Variants in CSMD1 observed in about 807,000 individuals in gnomAD.
CSMD1 encodes CUB and sushi domain-containing protein 1.
Under a neutral mutation model 417.5 loss-of-function variants are expected in CSMD1, and 213 were observed. The ratio of observed to expected loss-of-function variants is 0.51; its 90% CI spans 0.46 to 0.57. The LOEUF (loss-of-function observed/expected upper bound fraction) is 0.57. Ranked by LOEUF, CSMD1 falls within the 20% of genes least tolerant of loss-of-function variation. The pLI is 0.00. For missense variants in CSMD1, 6,923 were observed against 4,529.7 expected (o/e 1.53, Z -15.17); for synonymous variants, 2,862 against 1,736.8 (o/e 1.65, Z -16.11).
intron 5 of CSMD1, among the ~76,000 whole-genome samples, chr8:3,885,906 T>C (rs986145460): frequency 3.3e-5 from 5 of 152,172 alleles, no homozygotes; most frequent in African/African-American, 1.2e-4. Context: ...AAGTTTGTTG[T>C]TAATCTGTGA....
intron 5 of CSMD1, among the ~76,000 whole-genome samples, chr8:3,803,972 G>C (rs540591302): frequency 2.3e-3 from 344 of 152,192 alleles, no homozygotes; most frequent in African/African-American, 7.2e-3. Context: ...CTGTCGCCCA[G>C]GCTGGAGTGC....
chr8:3,451,958 T>C (rs1366189252), intron 12 of CSMD1, among the ~76,000 whole-genome samples: 3 of 151,744 alleles, frequency 2.0e-5, no homozygotes, highest in Non-Finnish European at 4.4e-5. Flanking sequence ...ACATGGAATG[T>C]TCTTCCATTT....
At chr8:3,576,354 C>G (rs13271170) in intron 9 of CSMD1, among the ~76,000 whole-genome samples, 63,110 of 151,456 alleles carry the variant, frequency 0.42, 13,596 homozygotes, top group Middle Eastern at 0.51. Flanking sequence ...TCTACTGTGA[C>G]TGTTCATCTG....
chr8:4,667,281 G>C (rs957129561), intron 1 of CSMD1, among the ~76,000 whole-genome samples: 3 of 152,076 alleles, frequency 2.0e-5, no homozygotes, highest in African/African-American at 4.8e-5. Context: ...TGAAATCAGA[G>C]TGTGTTAGTG....
At chr8:4,772,765 T>G (rs560678519) in intron 1 of CSMD1, among the ~76,000 whole-genome samples, 1 of 152,308 alleles carries the variant, frequency 6.6e-6, no homozygotes, top group East Asian at 1.9e-4. Flanking sequence ...ACCTCTTGGC[T>G]AACAGATCAG....
intron 41 of CSMD1, among the ~76,000 whole-genome samples, chr8:3,120,723 T>C (rs951416429): frequency 6.6e-6 from 1 of 151,776 alleles, no homozygotes; most frequent in African/African-American, 2.4e-5. Context: ...GACCGGCACC[T>C]GTAATCCCAG....
At position 3,448,918 on chromosome 8, in the gene CSMD1, G is replaced by C. The variant is rs1018009360; in HGVS notation, c.1561+19794C>G. On this transcript the variant is annotated intron_variant, in intron 12 of 69. Transcript: ENST00000635120. ...AAGAAGCACCTCCCTATGTATGAAT[G>C]AGCCACCTTCCCCCAAGAGTAAATG... Among the ~76,000 whole-genome samples the C allele has an allele frequency of 3.9e-5, 6 of 152,158 alleles. No homozygotes were observed. The East Asian group carries it at 1.2e-3, about 29-fold the overall frequency.
At chr8:4,494,760 C>T (rs1364448911) in intron 2 of CSMD1, among the ~76,000 whole-genome samples, 3 of 151,762 alleles carry the variant, frequency 2.0e-5, no homozygotes, top group Admixed American at 6.6e-5. Flanking sequence ...TTGTTGATTA[C>T]CTATTCTCTA....
At chr8:3,234,104 C>T (rs1422847300) in intron 26 of CSMD1, among the ~76,000 whole-genome samples, 1 of 152,146 alleles carries the variant, frequency 6.6e-6, no homozygotes. Context: ...GCTTTCTATT[C>T]CCTGAGCCAA....
intron 4 of CSMD1, among the ~76,000 whole-genome samples, chr8:4,012,501 G>A (rs972538778): frequency 2.0e-5 from 3 of 152,126 alleles, no homozygotes; most frequent in African/African-American, 7.3e-5. Context: ...GTTTCGAGGT[G>A]TGGTGTATGC....
At chr8:3,896,571 G>C (rs972424714) in intron 5 of CSMD1, among the ~76,000 whole-genome samples, 2 of 151,824 alleles carry the variant, frequency 1.3e-5, no homozygotes, top group African/African-American at 4.8e-5. Flanking sequence ...GAGTGCAGTG[G>C]CGTGATCTCG....
chr8:4,440,973 G>T (rs1022369345), intron 2 of CSMD1, among the ~76,000 whole-genome samples: 2 of 147,980 alleles, frequency 1.4e-5, no homozygotes, highest in African/African-American at 5.0e-5. Flanking sequence ...CTTCAGCCTA[G>T]ATGACACAGT....
chr8:4,672,896 G>C (rs1805417217), intron 1 of CSMD1, among the ~76,000 whole-genome samples: 1 of 151,848 alleles, frequency 6.6e-6, no homozygotes, highest in Non-Finnish European at 1.5e-5. Flanking sequence ...CGAAACATGA[G>C]ACAACAAACA....
intron 3 of CSMD1, among the ~76,000 whole-genome samples, chr8:4,087,752 C>T (rs893122897): frequency 6.6e-6 from 1 of 152,298 alleles, no homozygotes; most frequent in South Asian, 2.1e-4. Context: ...CTCCCGTTCT[C>T]TTAATCTTCT....
chr8:4,456,856 G>T (rs536478968), intron 2 of CSMD1, among the ~76,000 whole-genome samples: 4 of 152,096 alleles, frequency 2.6e-5, no homozygotes, highest in African/African-American at 7.2e-5. Context: ...GACCAAGCCT[G>T]GCCCTGGGCA....
At chr8:4,066,591 A>AT (rs1585239932) in intron 3 of CSMD1, among the ~76,000 whole-genome samples, 1 of 152,214 alleles carries the variant, frequency 6.6e-6, no homozygotes, top group East Asian at 1.9e-4. Context: ...AGTTCACGTG[A>AT]TTATACCCAG....
At chr8:4,731,651 CTT>C (rs1201476469) in intron 1 of CSMD1, among the ~76,000 whole-genome samples, 1 of 152,170 alleles carries the variant, frequency 6.6e-6, no homozygotes, top group Non-Finnish European at 1.5e-5. Flanking sequence ...GGAATGCACA[CTT>C]TGCATGAGTA....
At chr8:3,311,154 T>C (rs573304634) in intron 23 of CSMD1, among the ~76,000 whole-genome samples, 13 of 152,312 alleles carry the variant, frequency 8.5e-5, no homozygotes, top group African/African-American at 2.9e-4. Context: ...CTTAGGACAG[T>C]TACCTTGGCC....
intron 2 of CSMD1, among the ~76,000 whole-genome samples, chr8:4,424,004 A>T (rs925640145): frequency 3.3e-5 from 5 of 152,100 alleles, no homozygotes; most frequent in African/African-American, 1.2e-4. Flanking sequence ...TTGGATGTCC[A>T]TAGCAAATAG....
Sources: gnomAD v4.1 joint callset for allele counts (sites outside exome capture counted in the v4.1 genomes callset) on GRCh38, gnomAD v4.1.1 for gene constraint, MANE v1.5 for transcripts, NCBI Gene and HGNC (gene_info 2026-07-23, HGNC 2026-07-21) for gene names.